Variants in CCDC91 observed in about 807,000 individuals in gnomAD.
The protein encoded by CCDC91 is coiled-coil domain-containing protein 91.
CCDC91 carries 48 observed loss-of-function variants against 63.2 expected under a neutral mutation model. The observed-to-expected ratio is 0.76, with a 90% CI of 0.60 to 0.97. The LOEUF (loss-of-function observed/expected upper bound fraction) is 0.97, where lower values mean the gene tolerates loss of function less well. Ranked by LOEUF, CCDC91 falls within the 50% of genes least tolerant of loss-of-function variation. The pLI is 0.00. For synonymous variants in CCDC91, 167 were observed against 165.8 expected (o/e 1.01, Z -0.06); for missense variants, 500 against 494.6 (o/e 1.01, Z -0.10).
At chr12:28,273,107 CTGATAGTTTGCTGAGAA>C (rs1185083122) in intron 3 of CCDC91, among the ~76,000 whole-genome samples, 5 of 150,572 alleles carry the variant, frequency 3.3e-5, no homozygotes, top group Non-Finnish European at 4.4e-5. Context: ...TCTTGTCCTT[CTGATAGTTTGCTGAGAA>C]TGATGGTTTC....
In CCDC91 at chr12:28,450,238, A is replaced by G. The variant is rs768224002; in HGVS notation, c.840A>G (p.Gln280=). ...AAATAAAGGAAGCTTTGATTCAGCA[A>G]TCTCAAGAACAGAAGGTAATACTTT... ...KEKIKEALIQ[Q]SQEQKEILEK... is the part of the protein sequence containing the mutation. The change falls in exon 9 of 13, where the codon CAA becomes CAG. Residue 280 remains glutamine, a synonymous_variant. Coordinates refer to ENST00000536442, the MANE Select transcript of CCDC91 (RefSeq NM_018318.5). 58 of 1,608,088 alleles carry G rather than the reference A, an allele frequency of 3.6e-5. No individual in the cohort carries two copies. Among genetic ancestry groups the G allele is most frequent in the Non-Finnish European group, 4.1e-5 (48 of 1,175,394 alleles).
intron 12 of CCDC91, among the ~76,000 whole-genome samples, chr12:28,526,753 TG>T (rs1471065005): frequency 6.6e-6 from 1 of 152,032 alleles, no homozygotes; most frequent in Non-Finnish European, 1.5e-5. Flanking sequence ...TTCTTAGGTT[TG>T]GCCATTTAAC....
At chr12:28,303,690 G>A (rs1938337679) in intron 3 of CCDC91, among the ~76,000 whole-genome samples, 2 of 152,006 alleles carry the variant, frequency 1.3e-5, no homozygotes, top group Non-Finnish European at 2.9e-5. Context: ...TTTACTAAAT[G>A]CTTTACATGT....
intron 3 of CCDC91, among the ~76,000 whole-genome samples, chr12:28,283,649 A>G (rs1948738108): frequency 6.6e-6 from 1 of 152,242 alleles, no homozygotes; most frequent in South Asian, 2.1e-4. Context: ...ATTTTGGAAT[A>G]TTTGCATATA....
At chr12:28,333,396 G>GAAA (rs1217580461) in intron 6 of CCDC91, among the ~76,000 whole-genome samples, 1,886 of 89,042 alleles carry the variant, frequency 0.021, 20 homozygotes, top group South Asian at 0.034. Flanking sequence ...CTCCATCTCA[G>GAAA]AAAAAAAAAA....
intron 7 of CCDC91, among the ~76,000 whole-genome samples, chr12:28,383,718 A>G (rs1430632876): frequency 6.6e-6 from 1 of 152,078 alleles, no homozygotes; most frequent in Non-Finnish European, 1.5e-5. Context: ...TTTACATTGA[A>G]CTTTTAGATC....
At chr12:28,354,117 C>T (rs970544239) in intron 6 of CCDC91, among the ~76,000 whole-genome samples, 1 of 152,138 alleles carries the variant, frequency 6.6e-6, no homozygotes, top group African/African-American at 2.4e-5. Context: ...GAATTACATG[C>T]ACTTAGTGGC....
At chr12:28,480,467 T>C (rs1951384494) in intron 11 of CCDC91, among the ~76,000 whole-genome samples, 1 of 152,026 alleles carries the variant, frequency 6.6e-6, no homozygotes, top group Admixed American at 6.6e-5. Flanking sequence ...TAGACAAATA[T>C]AGCTTTCAGT....
In CCDC91 at chr12:28,355,918, A is replaced by G. The variant is rs188809305; in HGVS notation, c.577-6520A>G. On this transcript the variant is annotated intron_variant, in intron 6 of 12. Coordinates refer to ENST00000536442, the MANE Select transcript of CCDC91 (RefSeq NM_018318.5). ...TTGGTTATCTTACTCTAGAGGGACA[A>G]TCTTATTAAGGGCATCCATTTTAGT... 1.2e-3 allele frequency among the ~76,000 whole-genome samples: 176 copies of G among 152,308 alleles called. 1 individual carries two copies. Among genetic ancestry groups the G allele is most frequent in the African/African-American group, 3.5e-3 (145 of 41,580 alleles).
At chr12:28,265,465 A>G (rs573509732) in intron 3 of CCDC91, among the ~76,000 whole-genome samples, 143 of 152,212 alleles carry the variant, frequency 9.4e-4, no homozygotes, top group Non-Finnish European at 7.2e-4. Flanking sequence ...CAAAGCCAAC[A>G]GGAAAGTTCA....
intron 1 of CCDC91, among the ~76,000 whole-genome samples, chr12:28,210,666 A>G (rs541305161): frequency 1.3e-5 from 2 of 152,298 alleles, no homozygotes; most frequent in African/African-American, 2.4e-5. Flanking sequence ...AAGTTCTTAT[A>G]AATTTTTTAT....
chr12:28,443,608 A>G (rs1479935177), intron 8 of CCDC91, among the ~76,000 whole-genome samples: 1 of 150,048 alleles, frequency 6.7e-6, no homozygotes, highest in Non-Finnish European at 1.5e-5. Flanking sequence ...ACTTAATGAC[A>G]ATAGAAAGAA....
intron 1 of CCDC91, among the ~76,000 whole-genome samples, chr12:28,214,708 A>T: frequency 6.6e-6 from 1 of 152,194 alleles, no homozygotes; most frequent in Admixed American, 6.5e-5. Context: ...AAATTACAGG[A>T]TATCAAGGGA....
At chr12:28,471,325 G>A (rs11049642) in intron 11 of CCDC91, among the ~76,000 whole-genome samples, 31,749 of 152,126 alleles carry the variant, frequency 0.21, 4,342 homozygotes, top group Non-Finnish European at 0.31. Context: ...ACTATCAATT[G>A]TGTGTGAAGG....
chr12:28,525,755 A>G (rs774997905), intron 12 of CCDC91, among the ~76,000 whole-genome samples: 4 of 151,994 alleles, frequency 2.6e-5, no homozygotes, highest in Admixed American at 6.6e-5. Context: ...TAGGTCTATT[A>G]GTAATTGTTT....
At chr12:28,273,094 G>T (rs1262965674) in intron 3 of CCDC91, among the ~76,000 whole-genome samples, 3 of 150,912 alleles carry the variant, frequency 2.0e-5, no homozygotes, top group Non-Finnish European at 2.9e-5. Context: ...GCGGTGTTTG[G>T]TTTCTTGTCC....
chr12:28,487,728 A>G (rs184343720), intron 12 of CCDC91, among the ~76,000 whole-genome samples: 1,694 of 151,696 alleles, frequency 0.011, 15 homozygotes, highest in Non-Finnish European at 0.018. Flanking sequence ...CTTGTTTCCA[A>G]CTGAGCTTGA....
At chr12:28,429,105 TG>T (rs1165741942) in intron 8 of CCDC91, among the ~76,000 whole-genome samples, 1 of 152,188 alleles carries the variant, frequency 6.6e-6, no homozygotes, top group African/African-American at 2.4e-5. Context: ...CAGGAAATCG[TG>T]CAAACCAGAT....
intron 12 of CCDC91, among the ~76,000 whole-genome samples, chr12:28,530,051 G>A (rs1941606792): frequency 6.6e-6 from 1 of 152,110 alleles, no homozygotes; most frequent in Non-Finnish European, 1.5e-5. Context: ...TCCAAAAATG[G>A]CCACAGCAGT....
Sources: allele counts gnomAD v4.1 joint callset (sites outside exome capture counted in the v4.1 genomes callset), GRCh38; gene constraint gnomAD v4.1.1; transcripts MANE v1.5; gene names NCBI Gene and HGNC (gene_info 2026-07-23, HGNC 2026-07-21).